CSMD1: variants seen among roughly 807,000 people sequenced by gnomAD.
The protein encoded by CSMD1 is CUB and sushi domain-containing protein 1.
In CSMD1, 213 loss-of-function variants were observed where a neutral mutation model predicts 417.5. The observed-to-expected ratio is 0.51, with a 90% CI of 0.46 to 0.57. The LOEUF is 0.57. Ranked by LOEUF, CSMD1 falls within the 20% of genes least tolerant of loss-of-function variation. CSMD1 has a pLI of 0.00. For synonymous variants in CSMD1, 2,862 were observed against 1,736.8 expected (o/e 1.65, Z -16.11); for missense variants, 6,923 against 4,529.7 (o/e 1.53, Z -15.17).
chr8:3,670,115 G>A (rs112060965), intron 7 of CSMD1, among the ~76,000 whole-genome samples: 1 of 152,178 alleles, frequency 6.6e-6, no homozygotes, highest in East Asian at 1.9e-4. Flanking sequence ...TGTTGATCCT[G>A]GGTGTGTCTC....
At chr8:3,989,074 C>G (rs892480586) in intron 5 of CSMD1, among the ~76,000 whole-genome samples, 1 of 152,186 alleles carries the variant, frequency 6.6e-6, no homozygotes, top group Non-Finnish European at 1.5e-5. Context: ...TCTGAACTCT[C>G]TATGGCACTG....
chr8:3,221,614 G>A (rs868780747), intron 28 of CSMD1, among the ~76,000 whole-genome samples: 3 of 151,310 alleles, frequency 2.0e-5, no homozygotes, highest in Non-Finnish European at 2.9e-5. Flanking sequence ...AAATTCATGC[G>A]TAGAAGTCTG....
intron 1 of CSMD1, among the ~76,000 whole-genome samples, chr8:4,947,004 C>T (rs1808414219): frequency 6.6e-6 from 1 of 152,066 alleles, no homozygotes; most frequent in African/African-American, 2.4e-5. Context: ...AATCCAAATG[C>T]TAAACAATCA....
chr8:3,674,065 C>A (rs925082702), intron 7 of CSMD1, among the ~76,000 whole-genome samples: 1 of 152,102 alleles, frequency 6.6e-6, no homozygotes, highest in African/African-American at 2.4e-5. Context: ...ATGATAATGT[C>A]ATTGCACTCC....
At chr8:4,279,242 G>C (rs1639970613) in intron 3 of CSMD1, among the ~76,000 whole-genome samples, 1 of 152,140 alleles carries the variant, frequency 6.6e-6, no homozygotes, top group Admixed American at 6.5e-5. Flanking sequence ...GATGGCACAA[G>C]TGTGCAAGCC....
chr8:3,438,004 G>C (rs1814687672), intron 12 of CSMD1, among the ~76,000 whole-genome samples: 2 of 152,056 alleles, frequency 1.3e-5, no homozygotes, highest in African/African-American at 2.4e-5. Flanking sequence ...GCCTCCCAAA[G>C]TACTGATACC....
At chr8:3,650,563 G>C (rs143201115) in intron 7 of CSMD1, among the ~76,000 whole-genome samples, 1 of 152,272 alleles carries the variant, frequency 6.6e-6, no homozygotes, top group Non-Finnish European at 1.5e-5. Context: ...TGTTATTACA[G>C]ATTGTATACT....
At chr8:3,115,337 G>A (rs567515407) in intron 42 of CSMD1, among the ~76,000 whole-genome samples, 1 of 152,058 alleles carries the variant, frequency 6.6e-6, no homozygotes, top group Admixed American at 6.5e-5. Flanking sequence ...AGGTAGCTGG[G>A]ATTACAGGTG....
intron 1 of CSMD1, among the ~76,000 whole-genome samples, chr8:4,979,636 G>C (rs1810765030): frequency 6.6e-6 from 1 of 152,130 alleles, no homozygotes; most frequent in Non-Finnish European, 1.5e-5. Flanking sequence ...GTTCTAATTG[G>C]AGCAGTCCTC....
chr8:3,515,219 A>G (rs1003239546), intron 10 of CSMD1: 4 of 152,222 alleles, frequency 2.6e-5, no homozygotes, highest in Non-Finnish European at 4.4e-5. Context: ...AATGTCAAGT[A>G]CATTTGACAT....
At chr8:4,611,212 A>T (rs906022398) in intron 2 of CSMD1, among the ~76,000 whole-genome samples, 2 of 152,230 alleles carry the variant, frequency 1.3e-5, no homozygotes, top group Non-Finnish European at 2.9e-5. Flanking sequence ...GTTTTTAAAT[A>T]TAAAGGAAAT....
At chr8:3,909,390 C>A (rs990432087) in intron 5 of CSMD1, among the ~76,000 whole-genome samples, 9 of 152,094 alleles carry the variant, frequency 5.9e-5, no homozygotes, top group South Asian at 4.2e-4. Flanking sequence ...CAGACCAAAT[C>A]TACAGGAAAA....
At chr8:3,371,405 T>C (rs914491946) in intron 18 of CSMD1, among the ~76,000 whole-genome samples, 1 of 151,668 alleles carries the variant, frequency 6.6e-6, no homozygotes, top group Non-Finnish European at 1.5e-5. Context: ...TGTAAGGAGC[T>C]CACAATAGTG....
intron 2 of CSMD1, among the ~76,000 whole-genome samples, chr8:4,465,200 G>T (rs1328515811): frequency 2.0e-5 from 3 of 152,116 alleles, no homozygotes; most frequent in East Asian, 3.8e-4. Flanking sequence ...AAACCAGGAG[G>T]ATGCCACATA....
chr8:3,333,011 A>G (rs1247049460), intron 23 of CSMD1, among the ~76,000 whole-genome samples: 2 of 152,136 alleles, frequency 1.3e-5, no homozygotes, highest in Non-Finnish European at 2.9e-5. Context: ...CCATGAGGTG[A>G]GGGCTCCCCA....
intron 3 of CSMD1, among the ~76,000 whole-genome samples, chr8:4,121,385 G>T (rs1263428655): frequency 6.6e-6 from 1 of 152,132 alleles, no homozygotes; most frequent in Non-Finnish European, 1.5e-5. Flanking sequence ...AAAGGGCTGG[G>T]ATTACAGGCA....
chr8:4,373,198 G>C (rs1447303750), intron 3 of CSMD1, among the ~76,000 whole-genome samples: 1 of 152,144 alleles, frequency 6.6e-6, no homozygotes, highest in Non-Finnish European at 1.5e-5. Flanking sequence ...AACTGTCAAA[G>C]TCATCACAAA....
At chr8:3,956,912 A>T (rs886440473) in intron 5 of CSMD1, among the ~76,000 whole-genome samples, 1 of 152,188 alleles carries the variant, frequency 6.6e-6, no homozygotes, top group Non-Finnish European at 1.5e-5. Flanking sequence ...TGTTGCAAAC[A>T]CTAAAGGCTA....
intron 2 of CSMD1, among the ~76,000 whole-genome samples, chr8:4,454,684 C>G (rs1563193270): frequency 6.6e-6 from 1 of 152,140 alleles, no homozygotes; most frequent in African/African-American, 2.4e-5. Context: ...AGCATGTTCT[C>G]TACATAGCAG....
Sources: gnomAD v4.1 joint callset for allele counts (sites outside exome capture counted in the v4.1 genomes callset) on GRCh38, gnomAD v4.1.1 for gene constraint, MANE v1.5 for transcripts, NCBI Gene and HGNC (gene_info 2026-07-23, HGNC 2026-07-21) for gene names.